The following FOCAD variants were observed in gnomAD, a reference collection of about 807,000 sequenced individuals.
FOCAD encodes the protein KIAA1797.
In FOCAD, 198 loss-of-function variants were observed where a neutral mutation model predicts 225.6. The ratio of observed to expected loss-of-function variants is 0.88; its 90% CI spans 0.78 to 0.99. The LOEUF is 0.99. FOCAD is among the 50% of genes least tolerant of loss of function. The pLI is 0.00. For synonymous variants in FOCAD, 897 were observed against 755.0 expected (o/e 1.19, Z -3.08); for missense variants, 2,713 against 2,123.6 (o/e 1.28, Z -5.46).
intron 15 of FOCAD, among the ~76,000 whole-genome samples, chr9:20,844,508 G>T (rs1211900437): frequency 1.3e-5 from 2 of 151,556 alleles, no homozygotes; most frequent in Non-Finnish European, 2.9e-5. Context: ...CTACAGGCAT[G>T]TGCCACCACA....
intron 6 of FOCAD, among the ~76,000 whole-genome samples, chr9:20,762,230 G>A (rs963637389): frequency 5.3e-5 from 8 of 152,064 alleles, no homozygotes; most frequent in African/African-American, 1.9e-4. Context: ...TCTCTTTTCT[G>A]GGAACTTTCA....
intron 4 of FOCAD, among the ~76,000 whole-genome samples, chr9:20,723,500 G>C (rs1825953334): frequency 6.6e-6 from 1 of 152,166 alleles, no homozygotes; most frequent in Non-Finnish European, 1.5e-5. Flanking sequence ...TCTCAAAAGA[G>C]AAAAGTAGTG....
chr9:20,795,938 A>G (rs1452324165), intron 11 of FOCAD, among the ~76,000 whole-genome samples: 1 of 151,766 alleles, frequency 6.6e-6, no homozygotes, highest in East Asian at 1.9e-4. Flanking sequence ...AACATTAGGT[A>G]TATCTCCTAA....
chr9:20,940,774 A>G (rs567442021), intron 28 of FOCAD, among the ~76,000 whole-genome samples: 1 of 152,358 alleles, frequency 6.6e-6, no homozygotes, highest in South Asian at 2.1e-4. Flanking sequence ...GGCTTGTTTC[A>G]GGGTCATATG....
chr9:20,946,856 G>C, intron 30 of FOCAD, 36 bp downstream of exon 30: 2 of 1,605,970 alleles, frequency 1.2e-6, no homozygotes, highest in South Asian at 2.2e-5. Flanking sequence ...CTCTCTGTGG[G>C]TCTCATGCTG....
At chr9:20,993,632 C>G (rs907049098) in intron 43 of FOCAD, among the ~76,000 whole-genome samples, 1 of 151,976 alleles carries the variant, frequency 6.6e-6, no homozygotes, top group Admixed American at 6.5e-5. Flanking sequence ...AATCAAGGTA[C>G]TTGGTGTTAA....
At chr9:20,921,422 G>C (rs144815503) in intron 24 of FOCAD, among the ~76,000 whole-genome samples, 2 of 152,332 alleles carry the variant, frequency 1.3e-5, no homozygotes, top group East Asian at 3.9e-4. Context: ...GTAGGGGATA[G>C]TTATTTGAGC....
rs148110637 is a variant in FOCAD at position 20,904,044 on chromosome 9, C to T, written c.2626-3106C>T. Among the ~76,000 whole-genome samples the T allele has an allele frequency of 1.4e-3, 208 of 152,060 alleles. 1 individual carries two copies. Among genetic ancestry groups the T allele is most frequent in the African/African-American group, 4.7e-3 (194 of 41,514 alleles). ...GACCATTTGTGCCTGACTTCTTTCACTTTGGCATAATGTTTTCAAGGTTCA... is the reference window on the plus strand; with the variant it reads ...GACCATTTGTGCCTGACTTCTTTCATTTTGGCATAATGTTTTCAAGGTTCA... On this transcript the variant is annotated intron_variant, in intron 21 of 43. Coordinates refer to ENST00000338382, the MANE Select transcript of FOCAD (RefSeq NM_001375567.1).
At chr9:20,761,443 C>T (rs1829586820) in intron 6 of FOCAD, among the ~76,000 whole-genome samples, 1 of 151,532 alleles carries the variant, frequency 6.6e-6, no homozygotes, top group Non-Finnish European at 1.5e-5. Context: ...TTTTTTGTGG[C>T]AGAGTCTCAC....
intron 4 of FOCAD, among the ~76,000 whole-genome samples, chr9:20,724,582 A>G (rs536623596): frequency 2.0e-5 from 3 of 152,346 alleles, no homozygotes; most frequent in African/African-American, 4.8e-5. Flanking sequence ...CATAAAATAT[A>G]TAAGTGCTAA....
upstream of FOCAD, among the ~76,000 whole-genome samples, chr9:20,679,739 C>T (rs967103888): frequency 1.1e-4 from 17 of 152,264 alleles, no homozygotes; most frequent in South Asian, 2.1e-4. Flanking sequence ...CTCTTAAAGA[C>T]GGTAGTTTGT....
At chr9:20,923,458 T>A (rs1175511370) in intron 24 of FOCAD, among the ~76,000 whole-genome samples, 1 of 152,156 alleles carries the variant, frequency 6.6e-6, no homozygotes, top group African/African-American at 2.4e-5. Context: ...ACTACATTGA[T>A]AAGAAGAATT....
intron 1 of FOCAD, among the ~76,000 whole-genome samples, chr9:20,698,917 A>T (rs1016875214): frequency 2.0e-5 from 3 of 152,204 alleles, no homozygotes; most frequent in African/African-American, 7.2e-5. Flanking sequence ...AGCTGAATAG[A>T]ACTTGAAGGA....
Position 20,823,031 on chromosome 9 carries a change from A to G in FOCAD, c.1836A>G (p.Gln612=). 3 of 1,607,950 alleles carry G rather than the reference A, an allele frequency of 1.9e-6. No individual in the cohort carries two copies. The highest frequency in any genetic ancestry group is 2.7e-5 in the African/African-American group (2 of 74,548). Residue 612 remains glutamine (Q), a synonymous_variant, in exon 15 of 44, where the codon CAA becomes CAG. Transcript: ENST00000338382. The stretch of plus-strand genomic sequence containing the variant: ...CAGATATGTTGGCAGCTATTTCTCA[A>G]GTGTTGAATGAATGCACCAAGCCTG... The part of the protein sequence containing the change: ...HGADMLAAIS[Q]VLNECTKPDQ...
intron 9 of FOCAD, among the ~76,000 whole-genome samples, chr9:20,779,758 A>G (rs1271127784): frequency 6.6e-6 from 1 of 152,164 alleles, no homozygotes; most frequent in African/African-American, 2.4e-5. Flanking sequence ...CTCAAAAAAA[A>G]AAAAAAGTGT....
chr9:20,966,686 T>TA (rs1360128058), intron 35 of FOCAD, among the ~76,000 whole-genome samples: 1 of 152,120 alleles, frequency 6.6e-6, no homozygotes, highest in Non-Finnish European at 1.5e-5. Context: ...GCGTTAATTT[T>TA]TGTATTTAGT....
chr9:20,788,724 C>T (rs369383254), intron 10 of FOCAD, among the ~76,000 whole-genome samples: 28 of 152,214 alleles, frequency 1.8e-4, no homozygotes, highest in African/African-American at 6.5e-4. Context: ...CTGGCCCCGA[C>T]TGCACTGCTT....
intron 22 of FOCAD, among the ~76,000 whole-genome samples, chr9:20,910,217 G>A (rs1279212200): frequency 6.6e-6 from 1 of 152,044 alleles, no homozygotes; most frequent in African/African-American, 2.4e-5. Flanking sequence ...CAGTACAGAG[G>A]CCATTTTGGT....
intron 16 of FOCAD, chr9:20,863,240 A>G (rs1828934692): frequency 6.7e-6 from 1 of 150,354 alleles, no homozygotes; most frequent in South Asian, 2.1e-4. Flanking sequence ...TTATGCCTCT[A>G]CATTTGTAAG....
Sources: allele counts gnomAD v4.1 joint callset (sites outside exome capture counted in the v4.1 genomes callset), GRCh38; gene constraint gnomAD v4.1.1; transcripts MANE v1.5; gene names NCBI Gene and HGNC (gene_info 2026-07-23, HGNC 2026-07-21).